The following AK5 variants were observed in gnomAD, a reference collection of about 807,000 sequenced individuals.
The protein encoded by AK5 is adenylate kinase 5, also known as adenylate kinase isoenzyme 5.
AK5 carries 27 observed loss-of-function variants against 69.5 expected under a neutral mutation model. The observed-to-expected ratio is 0.39, with a 90% CI of 0.29 to 0.54. The LOEUF is 0.54. Among genes scored for constraint, AK5 ranks in the 20% least tolerant of loss-of-function variants. AK5 has a pLI of 0.71. For synonymous variants in AK5, 260 were observed against 244.4 expected (o/e 1.06, Z -0.60); for missense variants, 531 against 700.4 (o/e 0.76, Z 2.73).
chr1:77,371,018 G>A (rs1647111812), intron 6 of AK5, among the ~76,000 whole-genome samples: 1 of 152,192 alleles, frequency 6.6e-6, no homozygotes, highest in Admixed American at 6.5e-5. Context: ...GTGGCTGGAT[G>A]TCACATTTCA....
chr1:77,433,963 TAA>T (rs538325460), intron 8 of AK5, among the ~76,000 whole-genome samples: 178 of 151,698 alleles, frequency 1.2e-3, no homozygotes, highest in African/African-American at 4.2e-3. Flanking sequence ...AACTTATATT[TAA>T]GACTACTTCT....
intron 13 of AK5, among the ~76,000 whole-genome samples, chr1:77,549,839 T>G (rs1659733589): frequency 7.0e-6 from 1 of 142,206 alleles, no homozygotes; most frequent in East Asian, 2.1e-4. Context: ...TTTTTTCTTT[T>G]TTTGAGACAG....
intron 5 of AK5, among the ~76,000 whole-genome samples, chr1:77,325,328 A>G (rs529335292): frequency 2.0e-5 from 3 of 152,192 alleles, no homozygotes; most frequent in African/African-American, 4.8e-5. Flanking sequence ...TACAAAATGC[A>G]ACTATTATAT....
At chr1:77,553,281 G>A (rs567280332) in intron 13 of AK5, among the ~76,000 whole-genome samples, 11 of 152,266 alleles carry the variant, frequency 7.2e-5, no homozygotes, top group African/African-American at 2.6e-4. Flanking sequence ...GGGACTGGTG[G>A]AATTCAGCAA....
chr1:77,376,603 G>T (rs1009834952), intron 6 of AK5, among the ~76,000 whole-genome samples: 3 of 151,894 alleles, frequency 2.0e-5, no homozygotes, highest in Non-Finnish European at 4.4e-5. Flanking sequence ...CTGAGAGGTT[G>T]CATGATATCA....
At chr1:77,541,503 T>C (rs980165193) in intron 13 of AK5, among the ~76,000 whole-genome samples, 9 of 152,314 alleles carry the variant, frequency 5.9e-5, no homozygotes, top group Admixed American at 5.2e-4. Context: ...TCACCACATC[T>C]TTTTGCTGTG....
intron 6 of AK5, among the ~76,000 whole-genome samples, chr1:77,356,103 C>T (rs185652518): frequency 1.3e-3 from 197 of 152,194 alleles, no homozygotes; most frequent in African/African-American, 4.6e-3. Context: ...AGACTTAGAT[C>T]TCTTGGTTAA....
intron 2 of AK5, among the ~76,000 whole-genome samples, chr1:77,290,114 A>C (rs764034787): frequency 3.4e-4 from 52 of 152,322 alleles, no homozygotes; most frequent in Non-Finnish European, 5.7e-4. Context: ...TCTTTTAGTT[A>C]ATCATCAAAT....
chr1:77,443,864 A>G (rs1334927382), intron 8 of AK5, among the ~76,000 whole-genome samples: 1 of 152,026 alleles, frequency 6.6e-6, no homozygotes, highest in Non-Finnish European at 1.5e-5. Flanking sequence ...ACATCTATAT[A>G]GTAAAATAAT....
At chr1:77,309,896 A>AT (rs1659848775) in intron 5 of AK5, among the ~76,000 whole-genome samples, 2 of 151,880 alleles carry the variant, frequency 1.3e-5, no homozygotes, top group South Asian at 4.2e-4. Flanking sequence ...TTTCATTTAT[A>AT]TTTTTTCTCA....
intron 8 of AK5, among the ~76,000 whole-genome samples, chr1:77,470,390 AGC>A (rs1468349418): frequency 3.3e-5 from 5 of 152,166 alleles, no homozygotes; most frequent in Admixed American, 1.3e-4. Context: ...CTGTAATCCC[AGC>A]TACTCGGATG....
At chr1:77,332,866 T>A (rs557860330) in intron 5 of AK5, among the ~76,000 whole-genome samples, 1 of 152,232 alleles carries the variant, frequency 6.6e-6, no homozygotes, top group African/African-American at 2.4e-5. Flanking sequence ...TTTTGCTACT[T>A]ATTCTATCAG....
chr1:77,297,381 T>C (rs1390412107), intron 3 of AK5, among the ~76,000 whole-genome samples, 178 bp from the exon 4 acceptor site: 1 of 150,942 alleles, frequency 6.6e-6, no homozygotes, highest in Non-Finnish European at 1.5e-5. Context: ...AATTCTTTCC[T>C]TGACAAAGTC....
chr1:77,491,595 G>A lies in AK5; in HGVS notation c.1147+5243G>A, dbSNP rs553264825. 1.4e-4 allele frequency among the ~76,000 whole-genome samples: 22 copies of A among 152,242 alleles called. No homozygotes were observed. In the East Asian group the frequency reaches 2.9e-3, roughly 20 times the overall value. On this transcript the variant is annotated intron_variant, in intron 10 of 13. Transcript: ENST00000354567. ...GCTGGGATTACAGGCATGAGTCACC[G>A]TGCTCAGCCATGAATTGATTATTTA... is the stretch of plus-strand genomic sequence containing the variant.
At chr1:77,459,230 T>G (rs924248073) in intron 8 of AK5, among the ~76,000 whole-genome samples, 2 of 152,216 alleles carry the variant, frequency 1.3e-5, no homozygotes, top group Non-Finnish European at 2.9e-5. Context: ...AAAACCCTTT[T>G]AATGGCTTCT....
intron 8 of AK5, among the ~76,000 whole-genome samples, chr1:77,469,792 G>A (rs539707168): frequency 6.6e-6 from 1 of 152,324 alleles, no homozygotes; most frequent in Non-Finnish European, 1.5e-5. Flanking sequence ...CATAGCCGTG[G>A]AACTAGCATA....
intron 5 of AK5, among the ~76,000 whole-genome samples, chr1:77,300,732 C>A (rs1308528680): frequency 6.6e-6 from 1 of 152,128 alleles, no homozygotes; most frequent in Non-Finnish European, 1.5e-5. Context: ...GTTCCTGCTT[C>A]AGACATCAGT....
chr1:77,386,349 G>A (rs1267500422), intron 6 of AK5, among the ~76,000 whole-genome samples: 2 of 152,158 alleles, frequency 1.3e-5, no homozygotes, highest in Non-Finnish European at 2.9e-5. Flanking sequence ...GGACTTAAGG[G>A]TGGAGATGAT....
At chr1:77,526,465 CTTTTTTTTTTTTTTTTT>C (rs917395853) in intron 12 of AK5, among the ~76,000 whole-genome samples, 1 of 84,672 alleles carries the variant, frequency 1.2e-5, no homozygotes, top group South Asian at 4.6e-4. Context: ...GAATAAAAGT[CTTTTTTTTTTTTTTTTT>C]TTTTTTTTTT....
Sources: allele counts gnomAD v4.1 joint callset (sites outside exome capture counted in the v4.1 genomes callset), GRCh38; gene constraint gnomAD v4.1.1; transcripts MANE v1.5; gene names NCBI Gene and HGNC (gene_info 2026-07-23, HGNC 2026-07-21).